Variants in CADM1 observed in about 807,000 individuals in gnomAD.
CADM1 encodes the protein TSLC-1.
In CADM1, 15 loss-of-function variants were observed where a neutral mutation model predicts 53.1. That is an observed-to-expected ratio of 0.28 (90% confidence interval 0.19 to 0.44). The LOEUF is 0.44. Ranked by LOEUF, CADM1 falls within the 20% of genes least tolerant of loss-of-function variation. The pLI is 1.00. For missense variants in CADM1, 434 were observed against 611.3 expected (o/e 0.71, Z 3.06); for synonymous variants, 281 against 243.0 (o/e 1.16, Z -1.45).
intron 1 of CADM1, among the ~76,000 whole-genome samples, chr11:115,463,598 G>C (rs1948838627): frequency 6.6e-6 from 1 of 152,080 alleles, no homozygotes; most frequent in South Asian, 2.1e-4. Flanking sequence ...TAAAAATCCA[G>C]GTATCTGACA....
chr11:115,404,537 C>T (rs1458135486), intron 1 of CADM1, among the ~76,000 whole-genome samples: 12 of 147,252 alleles, frequency 8.1e-5, no homozygotes. Context: ...AAAAGCAAAA[C>T]CATAAAGGAA....
intron 1 of CADM1, among the ~76,000 whole-genome samples, chr11:115,322,723 T>C (rs1229057865): frequency 1.3e-5 from 2 of 152,200 alleles, no homozygotes; most frequent in African/African-American, 4.8e-5. Context: ...ATCCATGTCA[T>C]AGAATGTATC....
intron 1 of CADM1, among the ~76,000 whole-genome samples, chr11:115,352,447 C>G (rs1159886051): frequency 6.6e-6 from 1 of 152,172 alleles, no homozygotes; most frequent in Non-Finnish European, 1.5e-5. Context: ...TCTAACACAT[C>G]TAAACTGATA....
chr11:115,174,010 A>T lies in CADM1; in HGVS notation c.*2464T>A. The T allele has an allele frequency of 1.0e-6, 1 of 963,806 alleles. No homozygotes were observed. The highest frequency in any genetic ancestry group is 1.8e-5 in the African/African-American group (1 of 56,932). 59.7% of individuals were successfully genotyped at this position (963,806 alleles called of 1,614,324 possible). On this transcript the variant is annotated 3_prime_UTR_variant, in exon 12 of 12. Coordinates refer to ENST00000331581, the MANE Select transcript of CADM1 (RefSeq NM_001301043.2). ...GTGCACTGTATACTTAAGAAAAAATACATAAACCAATATACAACTAAAATC... is the reference window on the plus strand; with the variant it reads ...GTGCACTGTATACTTAAGAAAAAATTCATAAACCAATATACAACTAAAATC...
intron 1 of CADM1, among the ~76,000 whole-genome samples, chr11:115,454,186 G>A (rs1452622990): frequency 6.6e-6 from 1 of 152,086 alleles, no homozygotes; most frequent in Non-Finnish European, 1.5e-5. Context: ...AAACTTGAAG[G>A]GAGCTCTTGC....
At chr11:115,455,657 T>G (rs1189881072) in intron 1 of CADM1, among the ~76,000 whole-genome samples, 1 of 152,048 alleles carries the variant, frequency 6.6e-6, no homozygotes, top group Non-Finnish European at 1.5e-5. Context: ...TGTCCCTAAC[T>G]AAACAAAACA....
At chr11:115,380,278 A>T (rs1403736105) in intron 1 of CADM1, among the ~76,000 whole-genome samples, 1 of 152,210 alleles carries the variant, frequency 6.6e-6, no homozygotes, top group East Asian at 1.9e-4. Context: ...GTTACACAAA[A>T]CTGCACTTAC....
chr11:115,415,835 A>G (rs1947582843), intron 1 of CADM1, among the ~76,000 whole-genome samples: 1 of 150,388 alleles, frequency 6.6e-6, no homozygotes, highest in Admixed American at 6.6e-5. Flanking sequence ...AAAAAAAAAA[A>G]AAAAAAAAAA....
At chr11:115,417,033 G>A (rs1017493026) in intron 1 of CADM1, among the ~76,000 whole-genome samples, 1 of 152,132 alleles carries the variant, frequency 6.6e-6, no homozygotes, top group African/African-American at 2.4e-5. Context: ...AATTCAATAT[G>A]GAAGTATAGG....
At chr11:115,405,792 A>G (rs936996997) in intron 1 of CADM1, among the ~76,000 whole-genome samples, 1 of 152,178 alleles carries the variant, frequency 6.6e-6, no homozygotes, top group African/African-American at 2.4e-5. Flanking sequence ...ACTACACCCT[A>G]CAGACAAACA....
At position 115,229,382 on chromosome 11, in the gene CADM1, T is replaced by C. The variant is rs7121068; in HGVS notation, c.563-111A>G. The C allele has an allele frequency of 6.8e-4, 661 of 966,248 alleles. 3 individuals carry two copies. The highest frequency in any genetic ancestry group is 4.9e-3 in the African/African-American group (305 of 62,698). 59.9% of individuals were successfully genotyped at this position (966,248 alleles called of 1,614,324 possible). ...CCCAACATTGCTATTTTAACAAATATGATGGCAGTTACTTGGGATGAGAGT... is the reference window on the plus strand; with the variant it reads ...CCCAACATTGCTATTTTAACAAATACGATGGCAGTTACTTGGGATGAGAGT... On this transcript the variant is annotated intron_variant, in intron 4 of 11. Coordinates refer to ENST00000331581, the MANE Select transcript of CADM1 (RefSeq NM_001301043.2).
chr11:115,468,823 A>T (rs971363272), intron 1 of CADM1, among the ~76,000 whole-genome samples: 2 of 152,336 alleles, frequency 1.3e-5, no homozygotes, highest in East Asian at 3.9e-4. Flanking sequence ...AAAAAGAGGT[A>T]TAATGGACTA....
intron 9 of CADM1, among the ~76,000 whole-genome samples, chr11:115,196,103 A>C (rs1049389677): frequency 6.6e-6 from 1 of 152,192 alleles, no homozygotes; most frequent in Non-Finnish European, 1.5e-5. Flanking sequence ...CATCGTCTCC[A>C]AACTAATAGG....
intron 1 of CADM1, among the ~76,000 whole-genome samples, chr11:115,265,177 C>G (rs148540994): frequency 7.2e-4 from 109 of 152,278 alleles, no homozygotes; most frequent in African/African-American, 2.5e-3. Context: ...TTTCTGCCTG[C>G]CTGTTTTTAA....
At chr11:115,197,700 C>T (rs1028723541) in intron 9 of CADM1, among the ~76,000 whole-genome samples, 7 of 152,230 alleles carry the variant, frequency 4.6e-5, no homozygotes, top group Admixed American at 1.3e-4. Context: ...CTGCAAGCCA[C>T]ACACACACCA....
chr11:115,401,249 C>A (rs1407162821), intron 1 of CADM1, among the ~76,000 whole-genome samples: 1 of 152,206 alleles, frequency 6.6e-6, no homozygotes, highest in East Asian at 1.9e-4. Context: ...ACTGAAAAAG[C>A]AACCATACTG....
At chr11:115,419,733 G>C (rs57796077) in intron 1 of CADM1, among the ~76,000 whole-genome samples, 2 of 152,134 alleles carry the variant, frequency 1.3e-5, no homozygotes, top group Admixed American at 6.5e-5. Flanking sequence ...GGGTGAACAC[G>C]ATGACAGAAT....
At chr11:115,405,976 T>C (rs981571191) in intron 1 of CADM1, among the ~76,000 whole-genome samples, 2 of 152,196 alleles carry the variant, frequency 1.3e-5, no homozygotes, top group Admixed American at 6.5e-5. Context: ...CGTGGTTCTA[T>C]AAGCTTTTCT....
chr11:115,460,353 T>C (rs1948768720), intron 1 of CADM1, among the ~76,000 whole-genome samples: 1 of 152,200 alleles, frequency 6.6e-6, no homozygotes, highest in South Asian at 2.1e-4. Flanking sequence ...TTTCAGGTGC[T>C]AGAAGTATGT....
Sources: allele counts gnomAD v4.1 joint callset (sites outside exome capture counted in the v4.1 genomes callset), GRCh38; gene constraint gnomAD v4.1.1; transcripts MANE v1.5; gene names NCBI Gene and HGNC (gene_info 2026-07-23, HGNC 2026-07-21).